Variants in GABRG3 observed in about 807,000 individuals in gnomAD.
GABRG3 encodes gamma-aminobutyric acid type A receptor subunit gamma3.
GABRG3 carries 25 observed loss-of-function variants against 48.8 expected under a neutral mutation model. That is an observed-to-expected ratio of 0.51 (90% CI 0.37 to 0.72). The LOEUF is 0.72. GABRG3 is among the 30% of genes least tolerant of loss of function. GABRG3 has a pLI of 0.00. For missense variants in GABRG3, 394 were observed against 577.9 expected (o/e 0.68, Z 3.26); for synonymous variants, 227 against 217.6 (o/e 1.04, Z -0.38).
chr15:27,100,860 A>G (rs1344173136), intron 3 of GABRG3, among the ~76,000 whole-genome samples: 1 of 152,248 alleles, frequency 6.6e-6, no homozygotes, highest in Non-Finnish European at 1.5e-5. Flanking sequence ...TGCACGCAGA[A>G]CTACAGGTAG....
chr15:27,082,175 G>A (rs1191979733), intron 3 of GABRG3, among the ~76,000 whole-genome samples: 1 of 152,164 alleles, frequency 6.6e-6, no homozygotes, highest in African/African-American at 2.4e-5. Context: ...CTGAGATGAC[G>A]GAGAGAGTCC....
chr15:27,173,498 T>C (rs1887639361), intron 3 of GABRG3, among the ~76,000 whole-genome samples: 1 of 152,174 alleles, frequency 6.6e-6, no homozygotes, highest in Admixed American at 6.5e-5. Flanking sequence ...AAGAGTTTTC[T>C]TTTCACCTGA....
intron 3 of GABRG3, among the ~76,000 whole-genome samples, chr15:27,209,037 C>A (rs1032537806): frequency 3.0e-4 from 45 of 152,200 alleles, no homozygotes; most frequent in African/African-American, 1.1e-3. Flanking sequence ...GCTTCCTCCC[C>A]ACATGGAAAT....
chr15:27,480,845 T>G lies in GABRG3; in HGVS notation c.712+58T>G, dbSNP rs1309025573. 3.1e-6 allele frequency: 5 copies of G among 1,595,936 alleles called. No homozygotes were observed. The East Asian group carries it at 9.0e-5, about 29-fold the overall frequency. The stretch of plus-strand genomic sequence containing the variant: ...AAAGCCAGAGAGGCCTAAGGCCATA[T>G]GTAGTCATATCCTTAATGTACAAGC... On this transcript the variant is annotated intron_variant, in intron 6 of 9. Transcript: ENST00000615808.
chr15:27,323,033 T>C (rs1893484959), intron 3 of GABRG3, among the ~76,000 whole-genome samples: 2 of 152,092 alleles, frequency 1.3e-5, no homozygotes, highest in Admixed American at 1.3e-4. Flanking sequence ...TACTGCATCT[T>C]AAAGTGCTTT....
chr15:27,104,141 A>G (rs1897408736), intron 3 of GABRG3, among the ~76,000 whole-genome samples: 1 of 152,260 alleles, frequency 6.6e-6, no homozygotes, highest in Non-Finnish European at 1.5e-5. Flanking sequence ...TCAAGAAGAG[A>G]AAATTTAATG....
At position 27,043,684 on chromosome 15, in the gene GABRG3, T is replaced by A. The variant is rs184892777; in HGVS notation, c.270+16863T>A. 4.9e-3 allele frequency among the ~76,000 whole-genome samples: 740 copies of A among 152,346 alleles called. 2 individuals are homozygous for A. The highest frequency in any genetic ancestry group is 8.2e-3 in the Non-Finnish European group (557 of 68,028). ...TTGCTTGATTCTAGAATTGTCCTAA[T>A]TTTTGTCTTTTAACAGTGTGAGTTA... On this transcript the variant is annotated intron_variant, in intron 3 of 9. Coordinates refer to ENST00000615808, the MANE Select transcript of GABRG3 (RefSeq NM_033223.5).
At chr15:27,413,848 A>G (rs1437921488) in intron 5 of GABRG3, among the ~76,000 whole-genome samples, 1 of 152,204 alleles carries the variant, frequency 6.6e-6, no homozygotes, top group South Asian at 2.1e-4. Context: ...CAATTTTTCT[A>G]CATTCCTATT....
At chr15:27,161,262 T>C (rs4887564) in intron 3 of GABRG3, 36,484 of 152,148 alleles carry the variant, frequency 0.24, 5,375 homozygotes, top group Non-Finnish European at 0.33. Context: ...CATAGTGTCA[T>C]GGTTTCTGGA....
intron 3 of GABRG3, among the ~76,000 whole-genome samples, chr15:27,218,156 G>A (rs762487854): frequency 3.9e-5 from 6 of 152,058 alleles, no homozygotes; most frequent in Admixed American, 2.6e-4. Context: ...ACTACCTACA[G>A]ATGTGTGCTA....
intron 3 of GABRG3, among the ~76,000 whole-genome samples, chr15:27,279,992 T>C (rs1891382200): frequency 6.6e-6 from 1 of 152,264 alleles, no homozygotes; most frequent in African/African-American, 2.4e-5. Context: ...ATATATTTCA[T>C]ATTTTACAGT....
chr15:27,472,395 C>T (rs1208607360), intron 5 of GABRG3, among the ~76,000 whole-genome samples: 4 of 152,152 alleles, frequency 2.6e-5, no homozygotes, highest in Non-Finnish European at 5.9e-5. Flanking sequence ...CCAGCCTCAA[C>T]CTCCTGAGTA....
intron 2 of GABRG3, among the ~76,000 whole-genome samples, chr15:27,004,295 C>G (rs1333273590): frequency 1.3e-5 from 2 of 151,874 alleles, no homozygotes; most frequent in Admixed American, 6.6e-5. Flanking sequence ...AGAGACGCTC[C>G]TCACATCCCA....
In GABRG3 at chr15:27,352,688, G is replaced by A. The variant is rs148029118; in HGVS notation, c.574+23800G>A. ...ACATACCAAACCGTTGGGTGATATC[G>A]GTCTTGGTTATTGGTCCCTAGGATT... On this transcript the variant is annotated intron_variant, in intron 5 of 9. Coordinates refer to ENST00000615808, the MANE Select transcript of GABRG3 (RefSeq NM_033223.5). This position sits in a 1 kb window ranked among gnomAD's most constrained non-coding sequence, Gnocchi z 4.0. Among the ~76,000 whole-genome samples, 347 of 152,194 alleles carry A rather than the reference G, an allele frequency of 2.3e-3. 2 individuals are homozygous for A. Among genetic ancestry groups the A allele is most frequent in the African/African-American group, 8.2e-3 (341 of 41,520 alleles).
chr15:27,202,429 A>G (rs1800190491), intron 3 of GABRG3, among the ~76,000 whole-genome samples: 1 of 152,204 alleles, frequency 6.6e-6, no homozygotes, highest in South Asian at 2.1e-4. Context: ...GTGTCTCTGT[A>G]GAAGGTATTT....
At chr15:27,044,668 C>T (rs1222150575) in intron 3 of GABRG3, among the ~76,000 whole-genome samples, 2 of 152,156 alleles carry the variant, frequency 1.3e-5, no homozygotes, top group Non-Finnish European at 2.9e-5. Context: ...AGGGGGCAGG[C>T]CCTAGAATCA....
rs1219191921 is a variant in GABRG3 at position 27,128,462 on chromosome 15, C to T, written c.270+101641C>T. Among the ~76,000 whole-genome samples the T allele has an allele frequency of 3.9e-5, 6 of 152,190 alleles. No homozygotes were observed. In the East Asian group the frequency reaches 1.2e-3, roughly 29 times the overall value. On this transcript the variant is annotated intron_variant, in intron 3 of 9. Coordinates refer to ENST00000615808, the MANE Select transcript of GABRG3 (RefSeq NM_033223.5). Reference sequence around the variant, plus strand: ...TTTTGGGGAGATCCATTGAGCGAGTCATCTGCCCACGCCTTGAAGCCCATA... The same window carrying T: ...TTTTGGGGAGATCCATTGAGCGAGTTATCTGCCCACGCCTTGAAGCCCATA...
chr15:27,099,530 A>C (rs930465416), intron 3 of GABRG3, among the ~76,000 whole-genome samples: 1 of 152,208 alleles, frequency 6.6e-6, no homozygotes, highest in Admixed American at 6.5e-5. Context: ...TTTTAACATC[A>C]TTACGTCTTT....
chr15:27,023,953 G>A (rs1895941607), intron 2 of GABRG3, among the ~76,000 whole-genome samples: 3 of 152,130 alleles, frequency 2.0e-5, no homozygotes, highest in Admixed American at 6.5e-5. Flanking sequence ...TCATATCCAG[G>A]CTGGCACTTG....
Sources: allele counts gnomAD v4.1 joint callset (sites outside exome capture counted in the v4.1 genomes callset), GRCh38; gene constraint gnomAD v4.1.1; non-coding constraint Gnocchi (gnomAD v3.1); transcripts MANE v1.5; gene names NCBI Gene and HGNC (gene_info 2026-07-23, HGNC 2026-07-21).